The following ADAM22 variants were observed in gnomAD, a reference collection of about 807,000 sequenced individuals.
ADAM22 encodes the protein disintegrin and metalloproteinase domain-containing protein 22.
A neutral mutation model predicts 144.6 loss-of-function variants in ADAM22; 65 were observed. The observed-to-expected ratio is 0.45, with a 90% confidence interval of 0.37 to 0.55. The LOEUF (loss-of-function observed/expected upper bound fraction) is 0.55, where lower values mean the gene tolerates loss of function less well. Among genes scored for constraint, ADAM22 ranks in the 20% least tolerant of loss-of-function variants. ADAM22 has a pLI of 0.00. For synonymous variants in ADAM22, 391 were observed against 412.6 expected (o/e 0.95, Z 0.63); for missense variants, 974 against 1,184.9 (o/e 0.82, Z 2.61).
At chr7:88,145,812 C>A (rs185998990) in intron 17 of ADAM22, among the ~76,000 whole-genome samples, 1 of 152,112 alleles carries the variant, frequency 6.6e-6, no homozygotes, top group Admixed American at 6.6e-5. Context: ...CCTTTCCATA[C>A]TTTCTGTGGA....
At chr7:88,148,889 A>G in intron 17 of ADAM22, 88 bp from the exon 18 acceptor site, 9 of 1,054,924 alleles carry the variant, frequency 8.5e-6, no homozygotes, top group Non-Finnish European at 1.2e-5. Flanking sequence ...TTTCTAGCCA[A>G]ACAATTTTCA....
chr7:88,042,664 G>A (rs1803447085), intron 3 of ADAM22, among the ~76,000 whole-genome samples: 1 of 151,774 alleles, frequency 6.6e-6, no homozygotes, highest in African/African-American at 2.4e-5. Context: ...AAAAAAAATA[G>A]ATTTGTGGCT....
At chr7:87,982,505 TG>T (rs1853805501) in intron 3 of ADAM22, among the ~76,000 whole-genome samples, 1 of 151,144 alleles carries the variant, frequency 6.6e-6, no homozygotes, top group Non-Finnish European at 1.5e-5. Flanking sequence ...TAAATGCGGT[TG>T]GAAAAGTAGA....
At chr7:88,147,567 C>T (rs1028147583) in intron 17 of ADAM22, among the ~76,000 whole-genome samples, 1 of 152,182 alleles carries the variant, frequency 6.6e-6, no homozygotes, top group Non-Finnish European at 1.5e-5. Context: ...TGAAGTTTGA[C>T]CCATGGGCCA....
At chr7:87,970,745 G>T (rs112667077) in intron 2 of ADAM22, among the ~76,000 whole-genome samples, 90 of 152,246 alleles carry the variant, frequency 5.9e-4, no homozygotes, top group African/African-American at 2.1e-3. Context: ...TATTAATTCC[G>T]CATTTTAATT....
chr7:88,102,018 C>T (rs1823066555), intron 4 of ADAM22, among the ~76,000 whole-genome samples: 1 of 152,100 alleles, frequency 6.6e-6, no homozygotes, highest in Non-Finnish European at 1.5e-5. Flanking sequence ...AGCAGGCATA[C>T]CTGGGTGTGG....
chr7:88,020,794 A>T (rs190947255), intron 3 of ADAM22, among the ~76,000 whole-genome samples: 186 of 152,272 alleles, frequency 1.2e-3, no homozygotes, highest in African/African-American at 4.2e-3. Flanking sequence ...TTATTCCAGG[A>T]AAGTTTATTT....
rs766928591 is a variant in ADAM22, at chr7:87,934,456, C to G, written c.-10C>G. The stretch of plus-strand genomic sequence containing the variant: ...GAGCGTCTCGGGCGAGGCGGGCTGA[C>G]GGCAGCACCATGCAGGCGGCAGTGG... On this transcript the variant is annotated 5_prime_UTR_variant, in exon 1 of 32. Coordinates refer to ENST00000413139, the MANE Select transcript of ADAM22 (RefSeq NM_001324418.2). 1 of 1,586,882 alleles carries G rather than the reference C, an allele frequency of 6.3e-7. No individual in the cohort carries two copies. The highest frequency in any genetic ancestry group is 8.5e-7 in the Non-Finnish European group (1 of 1,171,160).
At chr7:88,040,320 C>T (rs1251556310) in intron 3 of ADAM22, among the ~76,000 whole-genome samples, 2 of 151,826 alleles carry the variant, frequency 1.3e-5, no homozygotes, top group African/African-American at 4.8e-5. Flanking sequence ...TTAGTAGAGA[C>T]GAGGTTTCAC....
intron 2 of ADAM22, among the ~76,000 whole-genome samples, chr7:87,970,225 G>A (rs2129447008): frequency 6.6e-6 from 1 of 151,110 alleles, no homozygotes; most frequent in South Asian, 2.1e-4. Flanking sequence ...TAGAAAAGAG[G>A]GATCATATAT....
At chr7:88,128,333 A>G (rs1043212683) in intron 8 of ADAM22, among the ~76,000 whole-genome samples, 2 of 152,000 alleles carry the variant, frequency 1.3e-5, no homozygotes, top group African/African-American at 4.8e-5. Context: ...TGCTATATCC[A>G]TTGTGGGGGA....
At chr7:87,956,315 A>G (rs373286552) in intron 2 of ADAM22, among the ~76,000 whole-genome samples, 180 of 152,310 alleles carry the variant, frequency 1.2e-3, no homozygotes, top group African/African-American at 4.1e-3. Context: ...AAAAGTGAGG[A>G]CTTGTGGTGG....
intron 2 of ADAM22, among the ~76,000 whole-genome samples, chr7:87,947,397 A>G: frequency 6.6e-6 from 1 of 152,218 alleles, no homozygotes; most frequent in Admixed American, 6.5e-5. Context: ...GGGAAATTCA[A>G]GAAGTGTTCA....
rs1343874897 is a variant in ADAM22, at chr7:88,196,651, C to G, written c.*160C>G. The G allele has an allele frequency of 5.5e-6, 4 of 730,134 alleles. No homozygotes were observed. Among genetic ancestry groups the G allele is most frequent in the Admixed American group, 5.1e-5 (2 of 39,558 alleles). The allele number at this position is 730,134 out of a possible 1,614,324, so 45.2% of individuals were successfully genotyped here. A position where few individuals can be genotyped will look rare whatever the true frequency, so the allele number is the denominator to read the frequency against. The stretch of plus-strand genomic sequence containing the variant: ...GAAGCGGAGTTTCACATCTGGTTAC[C>G]ATTTTCTTTTTGTCATTGGCTTAGG... On this transcript the variant is annotated 3_prime_UTR_variant, in exon 32 of 32. Transcript: ENST00000413139.
intron 3 of ADAM22, 52 bp downstream of exon 3, chr7:87,978,464 A>G (rs1257042847): frequency 2.0e-6 from 3 of 1,510,654 alleles, no homozygotes; most frequent in Non-Finnish European, 2.7e-6. Flanking sequence ...AATCCACTTT[A>G]TTTTCCACTT....
chr7:88,088,797 A>G (rs116459568), intron 4 of ADAM22, among the ~76,000 whole-genome samples: 3,568 of 152,298 alleles, frequency 0.023, 147 homozygotes, highest in African/African-American at 0.081. Context: ...TTTAAAATGT[A>G]TTGTTTGTAA....
intron 3 of ADAM22, among the ~76,000 whole-genome samples, chr7:88,033,384 T>G (rs1360347541): frequency 6.6e-6 from 1 of 152,230 alleles, no homozygotes; most frequent in African/African-American, 2.4e-5. Context: ...CCTTACTTTC[T>G]GGCAATCAAA....
At chr7:88,113,718 ATATATAT>A (rs1563246010) in intron 5 of ADAM22, among the ~76,000 whole-genome samples, 2 of 114,104 alleles carry the variant, frequency 1.8e-5, no homozygotes, top group African/African-American at 7.1e-5. Context: ...ATATATATAT[ATATATAT>A]ATATATATAT....
chr7:87,966,964 G>C (rs907426961), intron 2 of ADAM22, among the ~76,000 whole-genome samples: 2 of 151,952 alleles, frequency 1.3e-5, no homozygotes, highest in Non-Finnish European at 2.9e-5. Context: ...GGAGGTAATT[G>C]AATGATGGGG....
Sources: gnomAD v4.1 joint callset for allele counts (sites outside exome capture counted in the v4.1 genomes callset) on GRCh38, gnomAD v4.1.1 for gene constraint, MANE v1.5 for transcripts, NCBI Gene and HGNC (gene_info 2026-07-23, HGNC 2026-07-21) for gene names.